The following AMPD3 variants were observed in gnomAD, a reference collection of about 807,000 sequenced individuals.
The protein encoded by AMPD3 is AMP deaminase 3.
Under a neutral mutation model 82.3 loss-of-function variants are expected in AMPD3, and 57 were observed. The ratio of observed to expected loss-of-function variants is 0.69; its 90% CI spans 0.56 to 0.86. AMPD3 has a LOEUF of 0.86. Among genes scored for constraint, AMPD3 ranks in the 40% least tolerant of loss-of-function variants. AMPD3 has a pLI of 0.00. For synonymous variants in AMPD3, 381 were observed against 394.7 expected (o/e 0.97, Z 0.41); for missense variants, 870 against 1,003.8 (o/e 0.87, Z 1.80).
At position 10,482,211 on chromosome 11, in the gene AMPD3, A is replaced by C. The variant is rs1848930651; in HGVS notation, c.575A>C (p.Glu192Ala). 2.5e-6 allele frequency: 4 copies of C among 1,612,042 alleles called. No individual in the cohort carries two copies. Among genetic ancestry groups the C allele is most frequent in the African/African-American group, 1.3e-5 (1 of 74,890 alleles). ...GHPRADTAPP[E>A]EGLPDFHPPP... ...CCGCGGGCGGATACTGCACCTCCGG[A>C]AGAGGGCCTTCCAGGTATGGAGCTC... The change falls in exon 4 of 15, where the codon GAA (glutamate) becomes GCA (alanine). Residue 192 changes from glutamate to alanine, a missense_variant. Physicochemically the swap from Glu to Ala is moderately radical, Grantham distance 107 (BLOSUM62 -1). Transcript: ENST00000396553.
At chr11:10,492,831 G>C (rs1486471178) in intron 6 of AMPD3, among the ~76,000 whole-genome samples, 1 of 152,186 alleles carries the variant, frequency 6.6e-6, no homozygotes, top group Non-Finnish European at 1.5e-5. Context: ...CCAAATGGAG[G>C]AGGTTGTGGG....
At chr11:10,502,097 C>G in intron 12 of AMPD3, 1 of 985,422 alleles carries the variant, frequency 1.0e-6, no homozygotes. Context: ...ACTGGTGTAC[C>G]CTTGAGCTCT....
chr11:10,460,501 G>C (rs1318317084), intron 1 of AMPD3, among the ~76,000 whole-genome samples: 1 of 151,606 alleles, frequency 6.6e-6, no homozygotes, highest in East Asian at 1.9e-4. Context: ...TCACCTCCTA[G>C]GTTTAAGCAA....
chr11:10,477,471 A>G (rs1467672885), intron 2 of AMPD3, among the ~76,000 whole-genome samples: 1 of 152,226 alleles, frequency 6.6e-6, no homozygotes, highest in Non-Finnish European at 1.5e-5. Context: ...ATTTTTCTGC[A>G]GAAGAGACTT....
At chr11:10,487,739 A>G (rs979180826) in intron 6 of AMPD3, among the ~76,000 whole-genome samples, 5 of 152,164 alleles carry the variant, frequency 3.3e-5, no homozygotes, top group African/African-American at 9.7e-5. Flanking sequence ...ACAGCTGTTA[A>G]GATCTCTTTG....
chr11:10,495,351 C>T, intron 8 of AMPD3: 3 of 985,466 alleles, frequency 3.0e-6, no homozygotes, highest in Non-Finnish European at 3.6e-6. Context: ...TCTGCTGTGG[C>T]CTGGTTCTGC....
chr11:10,472,822 G>T (rs1848633245), intron 2 of AMPD3, among the ~76,000 whole-genome samples: 1 of 152,098 alleles, frequency 6.6e-6, no homozygotes, highest in Admixed American at 6.5e-5. Context: ...TGGCCAACAT[G>T]TAGAAACCCT....
At chr11:10,467,818 C>G (rs571531935) in intron 2 of AMPD3, among the ~76,000 whole-genome samples, 51 of 152,280 alleles carry the variant, frequency 3.3e-4, no homozygotes, top group African/African-American at 1.2e-3. Context: ...CAGCAGATCT[C>G]TCTGCAGAAA....
chr11:10,469,246 T>A (rs1848511571), intron 2 of AMPD3, among the ~76,000 whole-genome samples: 2 of 150,376 alleles, frequency 1.3e-5, no homozygotes, highest in Admixed American at 1.3e-4. Flanking sequence ...AATAGACTGC[T>A]AGCAAGACTA....
At chr11:10,502,630 T>G in intron 12 of AMPD3, 91 bp from the exon 13 acceptor site, 1 of 1,592,504 alleles carries the variant, frequency 6.3e-7, no homozygotes, top group Non-Finnish European at 8.5e-7. Context: ...TGGTTTCCAC[T>G]GGTGAATGCT....
intron 3 of AMPD3, among the ~76,000 whole-genome samples, chr11:10,480,574 T>C (rs1848875123): frequency 1.3e-5 from 2 of 152,196 alleles, no homozygotes; most frequent in African/African-American, 4.8e-5. Context: ...AAAACATGCA[T>C]AGGAAAAATA....
At chr11:10,471,642 G>A (rs1242960969) in intron 2 of AMPD3, among the ~76,000 whole-genome samples, 1 of 152,218 alleles carries the variant, frequency 6.6e-6, no homozygotes, top group East Asian at 1.9e-4. Flanking sequence ...CAAAGGATAT[G>A]AACAGACACT....
chr11:10,484,324 AG>A, intron 4 of AMPD3: 1 of 985,296 alleles, frequency 1.0e-6, no homozygotes, highest in South Asian at 4.7e-5. Flanking sequence ...TCCTTTGGGG[AG>A]GGAGTGGCTT....
intron 5 of AMPD3, among the ~76,000 whole-genome samples, chr11:10,486,237 C>T (rs1463401509): frequency 6.6e-6 from 1 of 152,188 alleles, no homozygotes; most frequent in Non-Finnish European, 1.5e-5. Context: ...CTGTCCTGTG[C>T]TCCGTCCACT....
intron 6 of AMPD3, chr11:10,490,393 AC>A (rs1305354647): frequency 1.3e-6 from 1 of 746,948 alleles, no homozygotes; most frequent in Non-Finnish European, 1.6e-6. Context: ...ATTAGGGGCC[AC>A]CCCTAAAGCT....
At chr11:10,495,543 G>A (rs750951274) in intron 8 of AMPD3, 27 bp from the exon 9 acceptor site, 4 of 1,612,222 alleles carry the variant, frequency 2.5e-6, no homozygotes, top group Non-Finnish European at 3.4e-6. Context: ...GATGCACTGG[G>A]GCTGACCCAA....
intron 2 of AMPD3, among the ~76,000 whole-genome samples, chr11:10,462,789 C>G (rs543796172): frequency 1.3e-5 from 2 of 152,184 alleles, no homozygotes; most frequent in Non-Finnish European, 2.9e-5. Flanking sequence ...GGGAAGGCCT[C>G]TCCAAGGAGA....
At position 10,456,220 on chromosome 11, in the gene AMPD3, G is replaced by C; in HGVS notation, c.-6+772G>C. On this transcript the variant is annotated intron_variant, in intron 1 of 14. Transcript: ENST00000396553. The surrounding 1 kb of genome is among the most constrained non-coding windows in gnomAD (Gnocchi z 4.3). ...AGAATTTCCAGCCCAGGCTTTTCCT[G>C]CTCTGGCTCACTGCTGCTCACAGAT... 1 of 1,463,540 alleles carries C rather than the reference G, an allele frequency of 6.8e-7. No homozygotes were observed. Among genetic ancestry groups the C allele is most frequent in the Non-Finnish European group, 9.0e-7 (1 of 1,108,990 alleles). The allele number at this position is 1,463,540 out of a possible 1,614,324, so 90.7% of individuals were successfully genotyped here.
chr11:10,494,837 A>G (rs765766596), intron 7 of AMPD3, 62 bp from the exon 8 acceptor site: 40 of 1,586,848 alleles, frequency 2.5e-5, no homozygotes, highest in Non-Finnish European at 3.4e-5. Context: ...AAAGGTCTAG[A>G]GAGGGGAACG....
Sources: allele counts gnomAD v4.1 joint callset (sites outside exome capture counted in the v4.1 genomes callset), GRCh38; gene constraint gnomAD v4.1.1; non-coding constraint Gnocchi (gnomAD v3.1); transcripts MANE v1.5; gene names NCBI Gene and HGNC (gene_info 2026-07-23, HGNC 2026-07-21).